HAUS1: variants seen among roughly 807,000 people sequenced by gnomAD.
The protein encoded by HAUS1 is HAUS augmin like complex subunit 1, also known as HAUS augmin-like complex subunit 1.
HAUS1 carries 25 observed loss-of-function variants against 38.6 expected under a neutral mutation model. The observed-to-expected ratio is 0.65, with a 90% CI of 0.47 to 0.91. The LOEUF (loss-of-function observed/expected upper bound fraction) is 0.91, where lower values mean the gene tolerates loss of function less well. Ranked by LOEUF, HAUS1 falls within the 40% of genes least tolerant of loss-of-function variation. HAUS1 has a pLI of 0.00. For missense variants in HAUS1, 325 were observed against 328.4 expected, an observed-to-expected ratio of 0.99 and a Z score of 0.08; for synonymous variants, 109 against 112.9, an observed-to-expected ratio of 0.97 and a Z score of 0.22.
intron 4 of HAUS1, 107 bp from the exon 5 acceptor site, chr18:46,122,360 A>G: frequency 7.0e-6 from 8 of 1,144,238 alleles, no homozygotes; most frequent in Non-Finnish European, 1.0e-5. Flanking sequence ...CTGGTTACCA[A>G]CTCTTGGCCA....
intron 6 of HAUS1, among the ~76,000 whole-genome samples, chr18:46,123,731 A>T (rs1446698525): frequency 6.6e-6 from 1 of 152,154 alleles, no homozygotes; most frequent in Non-Finnish European, 1.5e-5. Flanking sequence ...ACCAAATGCA[A>T]TTCTGGGATT....
At chr18:46,119,556 C>T (rs1358229447) in intron 3 of HAUS1, among the ~76,000 whole-genome samples, 2 of 151,768 alleles carry the variant, frequency 1.3e-5, no homozygotes, top group Non-Finnish European at 2.9e-5. Context: ...GAGATGAATA[C>T]GATAGTAACT....
chr18:46,105,558 G>A (rs931575103), intron 2 of HAUS1, 190 bp downstream of exon 2: 7 of 276,884 alleles, frequency 2.5e-5, no homozygotes, highest in South Asian at 1.6e-4. Flanking sequence ...GTATGTGTGT[G>A]TGTGTGTGTG....
At chr18:46,112,260 A>G (rs1911656469) in intron 2 of HAUS1, among the ~76,000 whole-genome samples, 1 of 141,206 alleles carries the variant, frequency 7.1e-6, no homozygotes, top group Non-Finnish European at 1.5e-5. Context: ...ATGTGTATAT[A>G]TATTCCATAT....
At chr18:46,117,873 G>T (rs375733937) in intron 2 of HAUS1, among the ~76,000 whole-genome samples, 3 of 152,004 alleles carry the variant, frequency 2.0e-5, no homozygotes, top group Admixed American at 6.6e-5. Flanking sequence ...TGGAACCCGG[G>T]GGGTGGAGGT....
intron 2 of HAUS1, among the ~76,000 whole-genome samples, chr18:46,111,608 CA>C (rs1302887587): frequency 6.6e-6 from 1 of 152,116 alleles, no homozygotes; most frequent in Admixed American, 6.6e-5. Context: ...AGGTGTGAGC[CA>C]CAGCGCCCAG....
chr18:46,108,651 A>G (rs1035324985), intron 2 of HAUS1, among the ~76,000 whole-genome samples: 3 of 152,158 alleles, frequency 2.0e-5, no homozygotes, highest in Non-Finnish European at 4.4e-5. Context: ...CATTCATATC[A>G]AAGTATTTTC....
At chr18:46,112,250 A>G in intron 2 of HAUS1, among the ~76,000 whole-genome samples, 1 of 141,576 alleles carries the variant, frequency 7.1e-6, no homozygotes. Flanking sequence ...TATATATATA[A>G]TGTGTATATA....
At chr18:46,120,348 C>T (rs1911902504) in intron 4 of HAUS1, among the ~76,000 whole-genome samples, 1 of 151,940 alleles carries the variant, frequency 6.6e-6, no homozygotes, top group South Asian at 2.1e-4. Context: ...AATTCTCCCG[C>T]CTCAGCCTCC....
intron 7 of HAUS1, among the ~76,000 whole-genome samples, chr18:46,125,130 C>T (rs964416243): frequency 6.0e-5 from 9 of 151,152 alleles, no homozygotes; most frequent in Admixed American, 4.0e-4. Flanking sequence ...CCCAGTGGTG[C>T]GCAACTGTAG....
At chr18:46,123,034 A>AC in intron 5 of HAUS1, 1 of 380,260 alleles carries the variant, frequency 2.6e-6, no homozygotes, top group Admixed American at 4.1e-5. Flanking sequence ...ACACAGTGAA[A>AC]CCCCGTCTCT....
chr18:46,111,115 A>C (rs1035499384), intron 2 of HAUS1, among the ~76,000 whole-genome samples: 4 of 151,278 alleles, frequency 2.6e-5, no homozygotes, highest in African/African-American at 9.7e-5. Flanking sequence ...TGATCCATCC[A>C]CCTCGGCCTC....
At chr18:46,108,848 G>A (rs570377505) in intron 2 of HAUS1, among the ~76,000 whole-genome samples, 1 of 152,158 alleles carries the variant, frequency 6.6e-6, no homozygotes, top group South Asian at 2.1e-4. Flanking sequence ...GAGGCGGGCG[G>A]ATCACAAGGT....
intron 2 of HAUS1, among the ~76,000 whole-genome samples, chr18:46,113,350 T>G (rs1911723879): frequency 6.6e-6 from 1 of 152,056 alleles, no homozygotes; most frequent in Non-Finnish European, 1.5e-5. Flanking sequence ...GTGCTGGGAT[T>G]ACAGGCGTGA....
chr18:46,127,645 G>T lies in HAUS1; in HGVS notation c.787-430G>T, dbSNP rs193149534. The stretch of plus-strand genomic sequence containing the variant: ...TGCTTGAACCCGGGAAGCAGAGATT[G>T]CAGAGTGAGCCGAGATTGTCCCACT... On this transcript the variant is annotated intron_variant, in intron 8 of 8. Transcript: ENST00000282058. Among the ~76,000 whole-genome samples, 304 of 151,114 alleles carry T rather than the reference G, an allele frequency of 2.0e-3. 1 individual carries two copies. The highest frequency in any genetic ancestry group is 2.0e-3 in the Non-Finnish European group (138 of 67,894).
intron 3 of HAUS1, among the ~76,000 whole-genome samples, chr18:46,119,163 C>G (rs1221701757): frequency 6.6e-6 from 1 of 152,184 alleles, no homozygotes; most frequent in African/African-American, 2.4e-5. Flanking sequence ...GCCACTGCGC[C>G]CGGTAGAACT....
At chr18:46,109,381 G>A (rs1911560248) in intron 2 of HAUS1, among the ~76,000 whole-genome samples, 4 of 152,112 alleles carry the variant, frequency 2.6e-5, no homozygotes, top group Admixed American at 2.6e-4. Flanking sequence ...TGAGATTTAG[G>A]TGGGGCCACG....
chr18:46,107,524 A>AT (rs1340421194), intron 2 of HAUS1, among the ~76,000 whole-genome samples: 7 of 152,202 alleles, frequency 4.6e-5, no homozygotes, highest in African/African-American at 1.4e-4. Context: ...TGATAGCTCT[A>AT]TGCATCATTA....
chr18:46,123,246 TG>T, intron 5 of HAUS1, 52 bp from the exon 6 acceptor site: 1 of 1,147,074 alleles, frequency 8.7e-7, no homozygotes, highest in Non-Finnish European at 1.3e-6. Flanking sequence ...TATTTGATGG[TG>T]GTCACTTTTC....
Sources: allele counts gnomAD v4.1 joint callset (sites outside exome capture counted in the v4.1 genomes callset), GRCh38; gene constraint gnomAD v4.1.1; transcripts MANE v1.5; gene names NCBI Gene and HGNC (gene_info 2026-07-23, HGNC 2026-07-21).